GJA3: variants seen among roughly 807,000 people sequenced by gnomAD.
GJA3 encodes gap junction alpha-3 protein.
For synonymous variants in GJA3, 297 were observed against 292.6 expected (o/e 1.02, Z -0.15); for missense variants, 571 against 620.3 (o/e 0.92, Z 0.84).
At chr13:20,144,064 G>C (rs1958828760) in intron 1 of GJA3, among the ~76,000 whole-genome samples, 6 of 152,198 alleles carry the variant, frequency 3.9e-5, no homozygotes, top group Admixed American at 1.3e-4. Flanking sequence ...GAGGAGTATT[G>C]GAGAGGTGTT....
chr13:20,157,518 G>A (rs1958913004), intron 1 of GJA3, among the ~76,000 whole-genome samples: 1 of 152,188 alleles, frequency 6.6e-6, no homozygotes, highest in Non-Finnish European at 1.5e-5. Context: ...AGCTCAGAGA[G>A]GGTCCTGAGA....
chr13:20,142,914 T>C lies in GJA3; in HGVS notation c.375A>G (p.Pro125=), dbSNP rs111863858. Residue 125 remains proline (P), a synonymous_variant, in exon 2 of 2, where the codon CCA becomes CCG. Transcript: ENST00000241125. ...LKRESPSPKE[P]PQDNPSSRDD... Reference sequence around the variant, plus strand: ...CCCGCGACGAGGGATTGTCCTGCGGTGGCTCCTTGGGGCTGGGGCTCTCTC... The same window carrying C: ...CCCGCGACGAGGGATTGTCCTGCGGCGGCTCCTTGGGGCTGGGGCTCTCTC... The C allele has an allele frequency of 1.2e-3, 1,928 of 1,584,214 alleles. 22 individuals are homozygous for C. In the African/African-American group the frequency reaches 0.021, roughly 17 times the overall value.
chr13:20,154,122 G>C (rs749358913), intron 1 of GJA3, among the ~76,000 whole-genome samples: 25 of 152,052 alleles, frequency 1.6e-4, no homozygotes, highest in Non-Finnish European at 3.4e-4. Flanking sequence ...AGGAAACTTA[G>C]GTATAGTTTT....
intron 1 of GJA3, among the ~76,000 whole-genome samples, chr13:20,146,970 G>A (rs1958846748): frequency 6.6e-6 from 1 of 152,210 alleles, no homozygotes; most frequent in South Asian, 2.1e-4. Flanking sequence ...AATGTGACTG[G>A]GAAGGGAAAT....
chr13:20,142,886 C>A lies in GJA3; in HGVS notation c.403G>T (p.Asp135Tyr). The change falls in exon 2 of 2, where the codon GAC becomes TAC. Residue 135 changes from aspartate to tyrosine, a missense_variant. By Grantham distance (160) the Asp-to-Tyr change is radical. Transcript: ENST00000241125. ...PPQDNPSSRD[D>Y]RGRVRMAGAL... Reference sequence around the variant, plus strand: ...CCGGCCATGCGCACCCTGCCGCGGTCGTCCCGCGACGAGGGATTGTCCTGC... The same window carrying A: ...CCGGCCATGCGCACCCTGCCGCGGTAGTCCCGCGACGAGGGATTGTCCTGC... 3 of 1,597,906 alleles carry A rather than the reference C, an allele frequency of 1.9e-6. No individual in the cohort carries two copies. Among genetic ancestry groups the A allele is most frequent in the South Asian group, 2.2e-5 (2 of 89,438 alleles).
chr13:20,142,043 G>C lies in GJA3; in HGVS notation c.1246C>G (p.Arg416Gly), dbSNP rs1292275593. 1 of 1,550,330 alleles carries C rather than the reference G, an allele frequency of 6.5e-7. No homozygotes were observed. The highest frequency in any genetic ancestry group is 1.4e-5 in the African/African-American group (1 of 73,180). The change falls in exon 2 of 2, where the codon CGG (arginine) becomes GGG (glycine). Residue 416 changes from arginine (R) to glycine (G), a missense_variant. Physicochemically the swap from Arg to Gly is moderately radical, Grantham distance 125 (BLOSUM62 -2). Transcript: ENST00000241125. ...QPPLPLGDPG[R>G]ASKASRASSG... is the part of the protein sequence containing the mutation. ...CTGGCCCTGCTGGCCTTGCTGGCCCGACCTGGGTCTCCGAGGGGCAAGGGC... is the reference window on the plus strand; with the variant it reads ...CTGGCCCTGCTGGCCTTGCTGGCCCCACCTGGGTCTCCGAGGGGCAAGGGC...
intron 1 of GJA3, among the ~76,000 whole-genome samples, chr13:20,160,330 A>T (rs975026124): frequency 2.6e-5 from 4 of 152,246 alleles, no homozygotes; most frequent in Non-Finnish European, 4.4e-5. Context: ...AAAAAGTTTT[A>T]AAAAGTTTCT....
rs2141136072 is a variant in GJA3, at chr13:20,140,007, CTTCTAGCAGCCCTTAT to C, written c.*1958_*1973del. On this transcript the variant is annotated 3_prime_UTR_variant, in exon 2 of 2. Transcript: ENST00000241125. ...ATCGGAATGCTTCTCACACTAGGAT[CTTCTAGCAGCCCTTAT>C]CACTCACAAGAACTAAGTCCTGCTG... 2 of 152,322 alleles carry C rather than the reference CTTCTAGCAGCCCTTAT, an allele frequency of 1.3e-5. No homozygotes were observed. The highest frequency in any genetic ancestry group is 1.3e-4 in the Admixed American group (2 of 15,296). 9.4% of individuals were successfully genotyped at this position (152,322 alleles called of 1,614,324 possible). A position where few individuals can be genotyped will look rare whatever the true frequency, so the allele number is the denominator to read the frequency against.
intron 1 of GJA3, among the ~76,000 whole-genome samples, chr13:20,151,794 T>C (rs1401374639): frequency 6.6e-6 from 1 of 152,024 alleles, no homozygotes; most frequent in Non-Finnish European, 1.5e-5. Flanking sequence ...GGGAAAGTAC[T>C]GGAGGGATGG....
At chr13:20,153,406 G>A (rs970660869) in intron 1 of GJA3, among the ~76,000 whole-genome samples, 1 of 152,156 alleles carries the variant, frequency 6.6e-6, no homozygotes, top group Admixed American at 6.5e-5. Context: ...ATGATAGACT[G>A]GATTAAGAAA....
chr13:20,159,147 A>C (rs1958922931), intron 1 of GJA3, among the ~76,000 whole-genome samples: 1 of 151,830 alleles, frequency 6.6e-6, no homozygotes, highest in Admixed American at 6.6e-5. Context: ...AATTCAGTAA[A>C]CATTTATTAT....
chr13:20,155,709 T>C (rs1958903497), intron 1 of GJA3, among the ~76,000 whole-genome samples: 1 of 151,770 alleles, frequency 6.6e-6, no homozygotes, highest in Non-Finnish European at 1.5e-5. Context: ...CTATTTTGTA[T>C]GCCATATTCA....
chr13:20,154,427 A>C (rs1285259170), intron 1 of GJA3, among the ~76,000 whole-genome samples: 2 of 152,234 alleles, frequency 1.3e-5, no homozygotes, highest in Non-Finnish European at 2.9e-5. Context: ...TGTATCCAGC[A>C]ACCTGTTACA....
At chr13:20,143,449 G>C in intron 1 of GJA3, 144 bp from the exon 2 acceptor site, 1 of 564,286 alleles carries the variant, frequency 1.8e-6, no homozygotes. Flanking sequence ...CAGCTCCCCA[G>C]GACCTGGACG....
In GJA3 at chr13:20,142,316, C is replaced by A; in HGVS notation, c.973G>T (p.Glu325Ter). 1 of 1,572,920 alleles carries A rather than the reference C, an allele frequency of 6.4e-7. No homozygotes were observed. Among genetic ancestry groups the A allele is most frequent in the Admixed American group, 1.8e-5 (1 of 54,126 alleles). The change falls in exon 2 of 2, where the codon GAG (glutamate) becomes TAG (stop). Residue 325 changes from glutamate to a stop codon, truncating the protein, a stop_gained. Transcript: ENST00000241125. LOFTEE classifies it low-confidence loss of function (END_TRUNC). ...GCCGCCTGGTTGGCCCAGTTCTGCT[C>A]AGTCATCAGCAGGTGGTGGTGGCCG... The part of the protein sequence containing the change: ...YNGHHHLLMT[E>*]QNWANQAAER...
chr13:20,156,122 A>G (rs925560026), intron 1 of GJA3, among the ~76,000 whole-genome samples: 7 of 152,102 alleles, frequency 4.6e-5, no homozygotes, highest in Admixed American at 6.5e-5. Flanking sequence ...ATGTATTATT[A>G]TTATTTCTTT....
At position 20,148,321 on chromosome 13, in the gene GJA3, G is replaced by A. The variant is rs555135946; in HGVS notation, c.-17-5016C>T. On this transcript the variant is annotated intron_variant, in intron 1 of 1. Coordinates refer to ENST00000241125, the MANE Select transcript of GJA3 (RefSeq NM_021954.4). ...CGCTCAGGCTAAGGTGCAGTGGCAC[G>A]GATCATAGCTCACTGCAGCCTCAAA... is the stretch of plus-strand genomic sequence containing the variant. Among the ~76,000 whole-genome samples, 15 of 147,494 alleles carry A rather than the reference G, an allele frequency of 1.0e-4. No homozygotes were observed. The South Asian group carries it at 1.5e-3, about 15-fold the overall frequency.
intron 1 of GJA3, among the ~76,000 whole-genome samples, chr13:20,147,564 G>A (rs766521157): frequency 8.5e-5 from 13 of 152,134 alleles, no homozygotes; most frequent in Non-Finnish European, 1.8e-4. Context: ...ACTCTCTTAC[G>A]TGGACACAGA....
Position 20,141,886 on chromosome 13 carries a change from C to A in GJA3, c.*95G>T. 1 of 1,514,310 alleles carries A rather than the reference C, an allele frequency of 6.6e-7. No individual in the cohort carries two copies. Among genetic ancestry groups the A allele is most frequent in the South Asian group, 1.3e-5 (1 of 79,560 alleles). 93.8% of individuals were successfully genotyped at this position (1,514,310 alleles called of 1,614,324 possible). ...CTCCAGTCGCTCCCACCTCCTGGGA[C>A]TTTCAGGTTCTATCTGCTGGTGGGA... On this transcript the variant is annotated 3_prime_UTR_variant, in exon 2 of 2. Coordinates refer to ENST00000241125, the MANE Select transcript of GJA3 (RefSeq NM_021954.4).
Sources: gnomAD v4.1 joint callset for allele counts (sites outside exome capture counted in the v4.1 genomes callset) on GRCh38, gnomAD v4.1.1 for gene constraint, MANE v1.5 for transcripts, NCBI Gene and HGNC (gene_info 2026-07-23, HGNC 2026-07-21) for gene names.